Variants in LRBA observed in about 807,000 individuals in gnomAD.
The protein encoded by LRBA is lipopolysaccharide-responsive and beige-like anchor protein.
Under a neutral mutation model 330.0 loss-of-function variants are expected in LRBA, and 176 were observed. The observed-to-expected ratio is 0.53, with a 90% confidence interval of 0.47 to 0.60. The LOEUF (loss-of-function observed/expected upper bound fraction) is 0.60. Among genes scored for constraint, LRBA ranks in the 20% least tolerant of loss-of-function variants. The probability of loss-of-function intolerance (pLI) is 0.00; values close to 1 mark genes in which losing one functional copy is unlikely to be tolerated. For synonymous variants in LRBA, 1,230 were observed against 1,193.0 expected (o/e 1.03, Z -0.64); for missense variants, 3,259 against 3,444.8 (o/e 0.95, Z 1.35).
intron 2 of LRBA, among the ~76,000 whole-genome samples, chr4:150,953,149 G>C (rs542231031): frequency 1.3e-5 from 2 of 152,108 alleles, no homozygotes; most frequent in Admixed American, 6.5e-5. Context: ...AAAATAACAT[G>C]CTAACTAAAT....
At chr4:150,760,151 C>G (rs536892887) in intron 35 of LRBA, among the ~76,000 whole-genome samples, 2 of 152,240 alleles carry the variant, frequency 1.3e-5, no homozygotes, top group African/African-American at 4.8e-5. Flanking sequence ...ATATAAACTT[C>G]AATATCATCC....
intron 38 of LRBA, among the ~76,000 whole-genome samples, chr4:150,594,616 A>T (rs547749172): frequency 6.6e-6 from 1 of 152,150 alleles, no homozygotes; most frequent in African/African-American, 2.4e-5. Context: ...AATGCCTTTT[A>T]TTCTGGTTTA....
At chr4:150,626,327 A>C (rs1382952169) in intron 37 of LRBA, among the ~76,000 whole-genome samples, 1 of 152,166 alleles carries the variant, frequency 6.6e-6, no homozygotes, top group Non-Finnish European at 1.5e-5. Flanking sequence ...ATATATACTA[A>C]AATTTTACAG....
chr4:150,774,816 T>C (rs1174629064), intron 34 of LRBA, among the ~76,000 whole-genome samples: 4 of 152,176 alleles, frequency 2.6e-5, no homozygotes, highest in African/African-American at 7.2e-5. Context: ...ACTTGGGAAA[T>C]TGATTGAGGG....
intron 37 of LRBA, among the ~76,000 whole-genome samples, chr4:150,644,112 A>G (rs1778923280): frequency 6.6e-6 from 1 of 151,970 alleles, no homozygotes; most frequent in Non-Finnish European, 1.5e-5. Flanking sequence ...TAGACTTTAA[A>G]TAACATGTTT....
chr4:150,307,485 C>T (rs926753642), intron 52 of LRBA, among the ~76,000 whole-genome samples: 1 of 150,298 alleles, frequency 6.7e-6, no homozygotes, highest in African/African-American at 2.5e-5. Flanking sequence ...ATATGAAGTC[C>T]AAAAGAATAT....
At chr4:150,267,216 T>C (rs1745461458) in intron 56 of LRBA, among the ~76,000 whole-genome samples, 1 of 152,206 alleles carries the variant, frequency 6.6e-6, no homozygotes, top group Non-Finnish European at 1.5e-5. Flanking sequence ...ATAGAACACC[T>C]TCCCAACAAC....
chr4:150,710,779 A>G (rs1786108336), intron 36 of LRBA, among the ~76,000 whole-genome samples: 1 of 152,116 alleles, frequency 6.6e-6, no homozygotes, highest in African/African-American at 2.4e-5. Flanking sequence ...ATCTATCTTC[A>G]TGTACCAATA....
chr4:150,604,802 C>T (rs1774466075), intron 37 of LRBA, among the ~76,000 whole-genome samples: 1 of 152,082 alleles, frequency 6.6e-6, no homozygotes. Context: ...ACCCACACAT[C>T]CCCCAGTTCC....
At chr4:150,375,326 G>T (rs1425816282) in intron 47 of LRBA, among the ~76,000 whole-genome samples, 2 of 152,104 alleles carry the variant, frequency 1.3e-5, no homozygotes, top group Non-Finnish European at 2.9e-5. Context: ...ATGACCTGGG[G>T]GGTAATGCTG....
chr4:150,577,983 G>A (rs1770754323), intron 40 of LRBA, among the ~76,000 whole-genome samples: 1 of 152,130 alleles, frequency 6.6e-6, no homozygotes, highest in Non-Finnish European at 1.5e-5. Flanking sequence ...TACATTCCCT[G>A]CAGCCGTTCA....
intron 37 of LRBA, among the ~76,000 whole-genome samples, chr4:150,639,749 A>ATGTGTG (rs1459373432): frequency 2.9e-4 from 1 of 3,442 alleles, no homozygotes; most frequent in Non-Finnish European, 1.1e-3. Flanking sequence ...ATATATATAT[A>ATGTGTG]TATATATATA....
intron 17 of LRBA, among the ~76,000 whole-genome samples, chr4:150,889,600 AGGTATCTAG>A (rs1187290441): frequency 6.6e-6 from 1 of 152,218 alleles, no homozygotes; most frequent in Non-Finnish European, 1.5e-5. Context: ...TGTGCATACG[AGGTATCTAG>A]GTTACATGTT....
intron 30 of LRBA, among the ~76,000 whole-genome samples, chr4:150,820,623 A>G (rs924370119): frequency 4.6e-5 from 7 of 152,060 alleles, no homozygotes; most frequent in Admixed American, 2.0e-4. Context: ...AATCAATTCT[A>G]AGGAATTAAC....
chr4:150,403,502 CT>C (rs1400391441), intron 47 of LRBA, among the ~76,000 whole-genome samples: 1 of 152,074 alleles, frequency 6.6e-6, no homozygotes, highest in African/African-American at 2.4e-5. Flanking sequence ...CATCTTTTAA[CT>C]TTTTTTATTA....
intron 37 of LRBA, among the ~76,000 whole-genome samples, chr4:150,631,608 T>C (rs1221145421): frequency 3.3e-5 from 5 of 152,228 alleles, no homozygotes; most frequent in African/African-American, 1.2e-4. Flanking sequence ...CATATGAGAA[T>C]GTGTATATCC....
chr4:150,471,654 C>A lies in LRBA; in HGVS notation c.6637G>T (p.Glu2213Ter). 6.2e-7 allele frequency: 1 copy of A among 1,605,354 alleles called. No homozygotes were observed. Among genetic ancestry groups the A allele is most frequent in the South Asian group, 1.1e-5 (1 of 89,236 alleles). The change falls in exon 43 of 57, where the codon GAG becomes TAG. Residue 2213 changes from glutamate to a stop codon, truncating the protein, a stop_gained. Coordinates refer to ENST00000651943, the MANE Select transcript of LRBA (RefSeq NM_001364905.1). LOFTEE classifies it high-confidence loss of function. ...RWQHREISNF[E>*]YLMFLNTIAG... ...ATCGTGTTGAGAAACATCAAGTACTCAAAATTAGATATCTCTCTGTGTTGC... is the reference window on the plus strand; with the variant it reads ...ATCGTGTTGAGAAACATCAAGTACTAAAAATTAGATATCTCTCTGTGTTGC...
At position 150,265,830 on chromosome 4, in the gene LRBA, A is replaced by G. The variant is rs1430836865; in HGVS notation, c.8469-18T>C. ...TGATGCACCTAGGAGAAGCACAGAG[A>G]GAAGGACTTTTACAAACCTGTGTGT... On this transcript the variant is annotated intron_variant, in intron 56 of 56. Transcript: ENST00000651943. 1 of 1,526,424 alleles carries G rather than the reference A, an allele frequency of 6.6e-7. No individual in the cohort carries two copies. Among genetic ancestry groups the G allele is most frequent in the South Asian group, 1.1e-5 (1 of 89,274 alleles). The allele number at this position is 1,526,424 out of a possible 1,614,324, so 94.6% of individuals were successfully genotyped here.
intron 42 of LRBA, among the ~76,000 whole-genome samples, chr4:150,484,891 T>C (rs945582916): frequency 1.3e-5 from 2 of 151,942 alleles, no homozygotes; most frequent in African/African-American, 4.8e-5. Flanking sequence ...TCTTCTAATT[T>C]CATCTTTGGC....
Sources: gnomAD v4.1 joint callset for allele counts (sites outside exome capture counted in the v4.1 genomes callset) on GRCh38, gnomAD v4.1.1 for gene constraint, MANE v1.5 for transcripts, NCBI Gene and HGNC (gene_info 2026-07-23, HGNC 2026-07-21) for gene names.